Variants in PCDHGA1 observed in about 807,000 individuals in gnomAD.
The protein encoded by PCDHGA1 is protocadherin gamma-A1.
PCDHGA1 carries 32 observed loss-of-function variants against 58.0 expected under a neutral mutation model. That is an observed-to-expected ratio of 0.55 (90% CI 0.42 to 0.74). The LOEUF (loss-of-function observed/expected upper bound fraction) is 0.74, where lower values mean the gene tolerates loss of function less well. Among genes scored for constraint, PCDHGA1 ranks in the 30% least tolerant of loss-of-function variants. PCDHGA1 has a pLI of 0.00. For missense variants in PCDHGA1, 1,205 were observed against 1,182.3 expected, an observed-to-expected ratio of 1.02 and a Z score of -0.28; for synonymous variants, 498 against 501.1, an observed-to-expected ratio of 0.99 and a Z score of 0.08.
chr5:141,353,718 G>T (rs1759367007), intron 1 of PCDHGA1, among the ~76,000 whole-genome samples: 1 of 152,128 alleles, frequency 6.6e-6, no homozygotes, highest in Non-Finnish European at 1.5e-5. Context: ...CTTTAGTGTA[G>T]ATTTCTGAGG....
At position 141,487,444 on chromosome 5, in the gene PCDHGA1, T is replaced by G; in HGVS notation, c.2422-7363T>G. 1 of 1,614,194 alleles carries G rather than the reference T, an allele frequency of 6.2e-7. No individual in the cohort carries two copies. The highest frequency in any genetic ancestry group is 8.5e-7 in the Non-Finnish European group (1 of 1,180,040). ...TCCTCCGAATCCAGCTAGGGTCAGA[T>G]GACCCTATCAAGTTTGTTGATGTGG... On this transcript the variant is annotated intron_variant, in intron 1 of 3. Transcript: ENST00000517417. This position sits in a 1 kb window ranked among gnomAD's most constrained non-coding sequence, Gnocchi z 5.0.
chr5:141,364,366 G>A (rs755664508), intron 1 of PCDHGA1: 1 of 1,563,758 alleles, frequency 6.4e-7, no homozygotes, highest in South Asian at 1.2e-5. Context: ...GCTGCGGAGA[G>A]CTGCTGCTGC....
intron 1 of PCDHGA1, among the ~76,000 whole-genome samples, chr5:141,469,492 T>C (rs1233507221): frequency 6.6e-6 from 1 of 152,038 alleles, no homozygotes; most frequent in Non-Finnish European, 1.5e-5. Flanking sequence ...GGAGAATCGC[T>C]TGAACCCGGG....
intron 1 of PCDHGA1, among the ~76,000 whole-genome samples, chr5:141,451,430 T>C (rs1441183396): frequency 2.0e-5 from 3 of 152,240 alleles, no homozygotes; most frequent in Non-Finnish European, 4.4e-5. Context: ...AGACTAAGGG[T>C]TCCAGTTCCT....
At chr5:141,344,270 G>A (rs1365211645) in intron 1 of PCDHGA1, 2 of 1,613,960 alleles carry the variant, frequency 1.2e-6, no homozygotes, top group Non-Finnish European at 1.7e-6. Context: ...CTCTGAATCC[G>A]CAAAGCGGCA....
At chr5:141,379,433 T>G (rs1775597873) in intron 1 of PCDHGA1, 1 of 152,256 alleles carries the variant, frequency 6.6e-6, no homozygotes. Flanking sequence ...AGATGGGCTG[T>G]TATACATATG....
chr5:141,369,822 T>C (rs550233059), intron 1 of PCDHGA1, among the ~76,000 whole-genome samples: 1 of 152,318 alleles, frequency 6.6e-6, no homozygotes, highest in Non-Finnish European at 1.5e-5. Context: ...ATAGCTTCCA[T>C]TTGTATGATT....
chr5:141,465,448 A>G (rs2099103302), intron 1 of PCDHGA1, among the ~76,000 whole-genome samples: 2 of 152,192 alleles, frequency 1.3e-5, no homozygotes, highest in Admixed American at 1.3e-4. Flanking sequence ...TTACCCAAGA[A>G]AACTCTCACC....
At chr5:141,381,157 C>T (rs959682414) in intron 1 of PCDHGA1, among the ~76,000 whole-genome samples, 2 of 152,238 alleles carry the variant, frequency 1.3e-5, no homozygotes, top group African/African-American at 4.8e-5. Flanking sequence ...AAATAGGTTA[C>T]TTAGGAGCCT....
chr5:141,478,164 C>T, intron 1 of PCDHGA1: 1 of 1,614,010 alleles, frequency 6.2e-7, no homozygotes, highest in Non-Finnish European at 8.5e-7. Context: ...GGCTCTGCCC[C>T]CCGGGAGCAG....
At chr5:141,425,209 A>ATCAT (rs1368049572) in intron 1 of PCDHGA1, among the ~76,000 whole-genome samples, 2 of 152,180 alleles carry the variant, frequency 1.3e-5, no homozygotes, top group Admixed American at 1.3e-4. Flanking sequence ...GATGTAAGGC[A>ATCAT]TTGTACTTTG....
intron 1 of PCDHGA1, chr5:141,409,186 T>C: frequency 6.2e-7 from 1 of 1,614,042 alleles, no homozygotes; most frequent in Non-Finnish European, 8.5e-7. Flanking sequence ...GTGGTCTCTC[T>C]ACCCAGTGTA....
chr5:141,509,179 C>T (rs895281717), intron 3 of PCDHGA1, among the ~76,000 whole-genome samples: 1 of 152,172 alleles, frequency 6.6e-6, no homozygotes, highest in African/African-American at 2.4e-5. Flanking sequence ...TCCTCTTATG[C>T]CGGCTTGAAA....
chr5:141,432,538 G>C lies in PCDHGA1; in HGVS notation c.2422-62269G>C, dbSNP rs200601557. The C allele has an allele frequency of 2.5e-5, 40 of 1,614,026 alleles. No individual in the cohort carries two copies. The highest frequency in any genetic ancestry group is 1.5e-4 in the Admixed American group (9 of 60,032). On this transcript the variant is annotated intron_variant, in intron 1 of 3. Coordinates refer to ENST00000517417, the MANE Select transcript of PCDHGA1 (RefSeq NM_018912.3). This position sits in a 1 kb window ranked among gnomAD's most constrained non-coding sequence, Gnocchi z 6.0. ...GCTACCTGGTGACCAAGGTGGTGGC[G>C]GTGGACAGAGACTCCGGCCAGAACG...
intron 1 of PCDHGA1, chr5:141,356,530 G>T (rs1469460338): frequency 6.2e-7 from 1 of 1,613,694 alleles, no homozygotes; most frequent in East Asian, 2.2e-5. Flanking sequence ...GCAAGTGATG[G>T]ACATCAATGA....
chr5:141,356,393 A>G (rs771004657), intron 1 of PCDHGA1: 9 of 1,578,652 alleles, frequency 5.7e-6, no homozygotes, highest in South Asian at 2.3e-5. Flanking sequence ...GAAAAGACCT[A>G]TGGAAATTAT....
Position 141,487,562 on chromosome 5 carries a change from G to C in PCDHGA1, c.2422-7245G>C. The stretch of plus-strand genomic sequence containing the variant: ...GAAGTCACCCAGTGCACCTATGGCA[G>C]GGGAGCCTGTTCGCCCAAGCTGCCC... On this transcript the variant is annotated intron_variant, in intron 1 of 3. Coordinates refer to ENST00000517417, the MANE Select transcript of PCDHGA1 (RefSeq NM_018912.3). The surrounding 1 kb of genome is among the most constrained non-coding windows in gnomAD (Gnocchi z 5.0). The C allele has an allele frequency of 6.2e-7, 1 of 1,614,178 alleles. No homozygotes were observed.
In PCDHGA1 at chr5:141,414,978, C is replaced by T. The variant is rs757917979; in HGVS notation, c.2422-79829C>T. On this transcript the variant is annotated intron_variant, in intron 1 of 3. Coordinates refer to ENST00000517417, the MANE Select transcript of PCDHGA1 (RefSeq NM_018912.3). The stretch of plus-strand genomic sequence containing the variant: ...CCAAGGTGGTGGCGGTGGACAGAGA[C>T]TCCGGCCAGAACGCCTGGCTGTCCT... 8 of 1,613,878 alleles carry T rather than the reference C, an allele frequency of 5.0e-6. No individual in the cohort carries two copies. The South Asian group carries it at 8.8e-5, about 18-fold the overall frequency.
intron 1 of PCDHGA1, chr5:141,405,487 T>G (rs750718741): frequency 4.3e-6 from 4 of 924,990 alleles, no homozygotes; most frequent in Non-Finnish European, 6.4e-6. Context: ...TGGTGTGATC[T>G]CGGCTCATTG....
Sources: gnomAD v4.1 joint callset for allele counts (sites outside exome capture counted in the v4.1 genomes callset) on GRCh38, gnomAD v4.1.1 for gene constraint, Gnocchi (gnomAD v3.1) non-coding constraint, MANE v1.5 for transcripts, NCBI Gene and HGNC (gene_info 2026-07-23, HGNC 2026-07-21) for gene names.